The following AOPEP variants were observed in gnomAD, a reference collection of about 807,000 sequenced individuals.
AOPEP encodes aminopeptidase O (putative), also known as aminopeptidase O.
AOPEP carries 77 observed loss-of-function variants against 98.1 expected under a neutral mutation model. The ratio of observed to expected loss-of-function variants is 0.78; its 90% confidence interval spans 0.65 to 0.95. The LOEUF (loss-of-function observed/expected upper bound fraction) is 0.95, where lower values mean the gene tolerates loss of function less well. Ranked by LOEUF, AOPEP falls within the 40% of genes least tolerant of loss-of-function variation. AOPEP has a pLI of 0.00. For synonymous variants in AOPEP, 346 were observed against 365.3 expected (o/e 0.95, Z 0.60); for missense variants, 1,024 against 1,024.7 (o/e 1.00, Z 0.01).
At chr9:95,111,255 C>A in the AOPEP span, 1 of 1,542,474 alleles carries the variant, frequency 6.5e-7, no homozygotes, top group African/African-American at 1.4e-5. Context: ...GGCAGCGTCT[C>A]GTCTCTGGCC....
chr9:94,865,323 C>T (rs888503268), intron 5 of AOPEP, among the ~76,000 whole-genome samples: 1 of 152,140 alleles, frequency 6.6e-6, no homozygotes, highest in Non-Finnish European at 1.5e-5. Context: ...TTAAGAGCAT[C>T]GCAGCTTGTT....
the AOPEP span, among the ~76,000 whole-genome samples, chr9:95,146,471 G>A: frequency 9.7e-6 from 1 of 102,822 alleles, no homozygotes; most frequent in Non-Finnish European, 1.7e-5. Context: ...CTATGTGACA[G>A]AGTGAGACCC....
intron 2 of AOPEP, among the ~76,000 whole-genome samples, chr9:94,767,443 G>C (rs1428389585): frequency 2.6e-5 from 4 of 152,218 alleles, no homozygotes; most frequent in South Asian, 2.1e-4. Flanking sequence ...AAATCGCAGT[G>C]CCCCGTATCA....
chr9:95,109,192 A>G, the AOPEP span, among the ~76,000 whole-genome samples: 1 of 152,224 alleles, frequency 6.6e-6, no homozygotes, highest in Non-Finnish European at 1.5e-5. Context: ...GATTACAGGC[A>G]TGAACCACCA....
chr9:95,022,485 C>T (rs2063528478), intron 13 of AOPEP, among the ~76,000 whole-genome samples: 1 of 152,104 alleles, frequency 6.6e-6, no homozygotes, highest in South Asian at 2.1e-4. Flanking sequence ...CTACGGGTGC[C>T]CGCCACCATG....
At chr9:95,110,430 C>T in the AOPEP span, 1,021,698 of 1,025,458 alleles carry the variant, frequency 1, 508,976 homozygotes, top group Middle Eastern at 1. Flanking sequence ...TTTTCCTTAG[C>T]TTAACGTGAT....
intron 7 of AOPEP, among the ~76,000 whole-genome samples, chr9:94,938,163 G>A (rs559592129): frequency 5.3e-5 from 8 of 152,316 alleles, no homozygotes; most frequent in South Asian, 4.1e-4. Flanking sequence ...GTGAGCGACC[G>A]CGCCCGGCCA....
the AOPEP span, among the ~76,000 whole-genome samples, chr9:95,105,981 A>T: frequency 6.6e-6 from 1 of 152,298 alleles, no homozygotes; most frequent in South Asian, 2.1e-4. Flanking sequence ...TCTGGGTTAT[A>T]GACCTAGGAG....
At chr9:94,802,269 A>G (rs891688311) in intron 5 of AOPEP, among the ~76,000 whole-genome samples, 1 of 151,966 alleles carries the variant, frequency 6.6e-6, no homozygotes, top group Admixed American at 6.6e-5. Flanking sequence ...AATGTTTCTT[A>G]TTTGTACATG....
intron 5 of AOPEP, among the ~76,000 whole-genome samples, chr9:94,887,001 AATT>A (rs1207647847): frequency 1.3e-5 from 2 of 152,272 alleles, no homozygotes; most frequent in Admixed American, 1.3e-4. Context: ...GTACTATTTA[AATT>A]ATTAGTCTCT....
chr9:94,819,018 A>C (rs1180881070), intron 5 of AOPEP, among the ~76,000 whole-genome samples: 1 of 152,200 alleles, frequency 6.6e-6, no homozygotes, highest in Non-Finnish European at 1.5e-5. Flanking sequence ...AACAAACAAA[A>C]AAAATAAAAA....
At chr9:94,860,713 T>C (rs988225933) in intron 5 of AOPEP, among the ~76,000 whole-genome samples, 2 of 152,186 alleles carry the variant, frequency 1.3e-5, no homozygotes, top group African/African-American at 2.4e-5. Context: ...GATGGATGGG[T>C]GCTCCATTGA....
chr9:94,740,034 C>G (rs1444421623), intron 1 of AOPEP, among the ~76,000 whole-genome samples: 2 of 152,060 alleles, frequency 1.3e-5, no homozygotes, highest in Non-Finnish European at 2.9e-5. Flanking sequence ...TTATAGTTCC[C>G]AGAAGGAGGG....
chr9:94,854,597 A>G (rs993592028), intron 5 of AOPEP, among the ~76,000 whole-genome samples: 3 of 152,212 alleles, frequency 2.0e-5, no homozygotes, highest in Admixed American at 6.5e-5. Context: ...CCTTAGTCAA[A>G]GAACTAATGA....
At chr9:94,838,849 T>C (rs1258770115) in intron 5 of AOPEP, among the ~76,000 whole-genome samples, 1 of 152,016 alleles carries the variant, frequency 6.6e-6, no homozygotes, top group Non-Finnish European at 1.5e-5. Flanking sequence ...TTTACCAGAT[T>C]GATACCTAAG....
At chr9:94,845,014 A>G (rs1471968604) in intron 5 of AOPEP, among the ~76,000 whole-genome samples, 2 of 152,234 alleles carry the variant, frequency 1.3e-5, no homozygotes, top group Non-Finnish European at 2.9e-5. Context: ...ACTATGTGCA[A>G]GCACTATTCC....
At chr9:95,125,085 C>A in the AOPEP span, 13 of 1,613,516 alleles carry the variant, frequency 8.1e-6, no homozygotes, top group Admixed American at 1.7e-5. Flanking sequence ...ATATAACAAA[C>A]CTGCTTGCTT....
intron 13 of AOPEP, among the ~76,000 whole-genome samples, chr9:95,054,790 A>C (rs2066683174): frequency 6.6e-6 from 1 of 152,228 alleles, no homozygotes; most frequent in African/African-American, 2.4e-5. Flanking sequence ...TCTTTCCAAA[A>C]TTTGTTTATA....
chr9:94,787,341 T>C lies in AOPEP; in HGVS notation c.965-5424T>C, dbSNP rs995230454. 2.6e-5 allele frequency among the ~76,000 whole-genome samples: 4 copies of C among 152,212 alleles called. No homozygotes were observed. The East Asian group carries it at 7.7e-4, about 29-fold the overall frequency. ...ATGAAGGTGCTGGGTTGTGATGGGATTGGGCGCTCTACGTGGATTTCTATT... is the reference window on the plus strand; with the variant it reads ...ATGAAGGTGCTGGGTTGTGATGGGACTGGGCGCTCTACGTGGATTTCTATT... On this transcript the variant is annotated intron_variant, in intron 3 of 16. Transcript: ENST00000375315.
Sources: gnomAD v4.1 joint callset for allele counts (sites outside exome capture counted in the v4.1 genomes callset) on GRCh38, gnomAD v4.1.1 for gene constraint, MANE v1.5 for transcripts, NCBI Gene and HGNC (gene_info 2026-07-23, HGNC 2026-07-21) for gene names.